Variants in CHCHD6 observed in about 807,000 individuals in gnomAD.
CHCHD6 encodes the protein MICOS complex subunit MIC25.
A neutral mutation model predicts 32.3 loss-of-function variants in CHCHD6; 28 were observed. The ratio of observed to expected loss-of-function variants is 0.87; its 90% CI spans 0.64 to 1.19. The LOEUF (loss-of-function observed/expected upper bound fraction) is 1.19, where lower values mean the gene tolerates loss of function less well. Ranked by LOEUF, CHCHD6 falls within the 50% of genes most tolerant of loss-of-function variation. The pLI is 0.00. For missense variants in CHCHD6, 333 were observed against 307.0 expected (o/e 1.08, Z -0.63); for synonymous variants, 122 against 117.5 (o/e 1.04, Z -0.25).
Position 126,957,410 on chromosome 3 carries a change from C to T in CHCHD6, c.567-6C>T, listed in dbSNP as rs1291059274. On this transcript the variant is annotated splice_region_variant and splice_polypyrimidine_tract_variant and intron_variant, in intron 6 of 7. Transcript: ENST00000290913. ...CCCCAGGCCTGCCTGCTCTTGTCTT[C>T]TGCAGGCCCCGCAGGGTGGAGCCCG... is the stretch of plus-strand genomic sequence containing the variant. The T allele has an allele frequency of 6.2e-7, 1 of 1,609,558 alleles. No homozygotes were observed. The highest frequency in any genetic ancestry group is 2.2e-5 in the East Asian group (1 of 44,738).
intron 4 of CHCHD6, among the ~76,000 whole-genome samples, chr3:126,844,860 A>G (rs751134185): frequency 4.6e-5 from 7 of 151,054 alleles, no homozygotes; most frequent in Non-Finnish European, 1.0e-4. Flanking sequence ...CAGGAGAGAC[A>G]GAAAAGAAGA....
intron 5 of CHCHD6, among the ~76,000 whole-genome samples, chr3:126,901,380 A>C (rs2077925741): frequency 6.6e-6 from 1 of 152,162 alleles, no homozygotes; most frequent in Admixed American, 6.5e-5. Context: ...TAGGTTACTC[A>C]TCAGTCCTGT....
chr3:126,934,014 TCTC>T (rs2107599811), intron 6 of CHCHD6, among the ~76,000 whole-genome samples: 2 of 152,290 alleles, frequency 1.3e-5, no homozygotes, highest in East Asian at 3.9e-4. Flanking sequence ...TCTGCGCTCT[TCTC>T]CTGTCAGCGG....
chr3:126,817,552 C>G (rs567215879), intron 4 of CHCHD6, among the ~76,000 whole-genome samples: 1 of 152,190 alleles, frequency 6.6e-6, no homozygotes, highest in Non-Finnish European at 1.5e-5. Context: ...GCAGAACCCC[C>G]GCTCCCCACC....
intron 5 of CHCHD6, among the ~76,000 whole-genome samples, chr3:126,885,561 A>G (rs780333304): frequency 1.3e-5 from 2 of 152,374 alleles, no homozygotes; most frequent in Admixed American, 6.5e-5. Flanking sequence ...TTCTTGCTCA[A>G]AATGTGACTG....
At chr3:126,772,127 A>G (rs1447397973) in intron 4 of CHCHD6, among the ~76,000 whole-genome samples, 1 of 152,082 alleles carries the variant, frequency 6.6e-6, no homozygotes, top group Admixed American at 6.6e-5. Flanking sequence ...TTTGAGATAG[A>G]GTCTTGCTTT....
chr3:126,824,283 C>G (rs573629847), intron 4 of CHCHD6, among the ~76,000 whole-genome samples: 3 of 151,632 alleles, frequency 2.0e-5, no homozygotes, highest in Non-Finnish European at 4.4e-5. Flanking sequence ...AACATTTGGC[C>G]GGGCACAGTG....
chr3:126,755,353 T>TC (rs1229861881), intron 4 of CHCHD6, among the ~76,000 whole-genome samples: 3 of 152,172 alleles, frequency 2.0e-5, no homozygotes, highest in African/African-American at 7.2e-5. Flanking sequence ...AGGTGGCCTG[T>TC]CCAAGAACCC....
intron 5 of CHCHD6, among the ~76,000 whole-genome samples, chr3:126,878,261 C>T (rs1027883908): frequency 6.6e-6 from 1 of 152,244 alleles, no homozygotes; most frequent in African/African-American, 2.4e-5. Context: ...GTAGTAAGCA[C>T]TCCTTTCACC....
In CHCHD6 at chr3:126,951,446, G is replaced by A. The variant is rs150943100; in HGVS notation, c.567-5970G>A. On this transcript the variant is annotated intron_variant, in intron 6 of 7. Coordinates refer to ENST00000290913, the MANE Select transcript of CHCHD6 (RefSeq NM_032343.3). ...AGGAAAAGTTGCAAAGAAGCTTCAC[G>A]TGGATTGGAAGGGAGGTTGCTCAGA... Among the ~76,000 whole-genome samples, 224 of 152,276 alleles carry A rather than the reference G, an allele frequency of 1.5e-3. 1 individual carries two copies. Among genetic ancestry groups the A allele is most frequent in the African/African-American group, 5.1e-3 (212 of 41,556 alleles).
intron 4 of CHCHD6, among the ~76,000 whole-genome samples, chr3:126,741,634 A>T (rs1270848691): frequency 6.6e-6 from 1 of 152,200 alleles, no homozygotes; most frequent in African/African-American, 2.4e-5. Context: ...CTTGTTAAAA[A>T]TGCAGATATT....
intron 4 of CHCHD6, among the ~76,000 whole-genome samples, chr3:126,748,932 T>G (rs1936614872): frequency 6.6e-6 from 1 of 152,172 alleles, no homozygotes; most frequent in Non-Finnish European, 1.5e-5. Flanking sequence ...ATAAGCATAC[T>G]GCTGCAGAGA....
At chr3:126,754,654 T>C (rs560482704) in intron 4 of CHCHD6, among the ~76,000 whole-genome samples, 1 of 152,314 alleles carries the variant, frequency 6.6e-6, no homozygotes, top group African/African-American at 2.4e-5. Flanking sequence ...GTGCTCCTAA[T>C]TGGTTTTCAG....
chr3:126,887,809 C>T (rs2077699215), intron 5 of CHCHD6, among the ~76,000 whole-genome samples: 1 of 152,228 alleles, frequency 6.6e-6, no homozygotes, highest in South Asian at 2.1e-4. Context: ...GGTTCCCACC[C>T]AGCTGGAGCA....
intron 6 of CHCHD6, among the ~76,000 whole-genome samples, chr3:126,928,316 T>A (rs1299124728): frequency 2.0e-5 from 3 of 152,190 alleles, no homozygotes; most frequent in Non-Finnish European, 2.9e-5. Flanking sequence ...AGGTATCAGG[T>A]GATTGTTTTC....
intron 4 of CHCHD6, among the ~76,000 whole-genome samples, chr3:126,815,305 C>A (rs996423060): frequency 1.3e-5 from 2 of 152,174 alleles, no homozygotes; most frequent in Non-Finnish European, 2.9e-5. Context: ...TCTCTCTGAG[C>A]AGCTTCCTGT....
chr3:126,749,665 G>A (rs1936647150), intron 4 of CHCHD6, among the ~76,000 whole-genome samples: 1 of 152,224 alleles, frequency 6.6e-6, no homozygotes, highest in Non-Finnish European at 1.5e-5. Flanking sequence ...AGCCTTGGGT[G>A]CAAACTGTTT....
chr3:126,922,717 A>ATGTGTG (rs150511820), intron 6 of CHCHD6, among the ~76,000 whole-genome samples: 1 of 145,608 alleles, frequency 6.9e-6, no homozygotes. Flanking sequence ...GTGTATGTGT[A>ATGTGTG]TGTGTGTGTG....
At chr3:126,960,074 G>A in intron 7 of CHCHD6, 122 bp from the exon 8 acceptor site, 6 of 1,164,416 alleles carry the variant, frequency 5.2e-6, no homozygotes, top group South Asian at 2.7e-5. Context: ...CTCCAGGTGA[G>A]GAGGGAGACC....
Sources: gnomAD v4.1 joint callset for allele counts (sites outside exome capture counted in the v4.1 genomes callset) on GRCh38, gnomAD v4.1.1 for gene constraint, MANE v1.5 for transcripts, NCBI Gene and HGNC (gene_info 2026-07-23, HGNC 2026-07-21) for gene names.